ZFHX3: variants seen among roughly 807,000 people sequenced by gnomAD.
ZFHX3 encodes the protein zinc finger homeobox protein 3.
Under a neutral mutation model 279.1 loss-of-function variants are expected in ZFHX3, and 42 were observed. The observed-to-expected ratio is 0.15, with a 90% confidence interval of 0.12 to 0.19. The LOEUF (loss-of-function observed/expected upper bound fraction) is 0.19, where lower values mean the gene tolerates loss of function less well. Among genes scored for constraint, ZFHX3 ranks in the 10% least tolerant of loss-of-function variants. ZFHX3 has a pLI of 1.00. For synonymous variants in ZFHX3, 2,293 were observed against 1,957.8 expected (o/e 1.17, Z -4.52); for missense variants, 4,981 against 4,754.0 (o/e 1.05, Z -1.40).
intron 3 of ZFHX3, among the ~76,000 whole-genome samples, chr16:73,365,822 T>TA (rs985929268): frequency 6.6e-5 from 10 of 152,182 alleles, no homozygotes; most frequent in Non-Finnish European, 1.5e-4. Flanking sequence ...TCAGGCTTGA[T>TA]AGAGATTCCC....
At chr16:72,972,498 C>T (rs1222010214) in intron 1 of ZFHX3, among the ~76,000 whole-genome samples, 1 of 152,096 alleles carries the variant, frequency 6.6e-6, no homozygotes, top group Non-Finnish European at 1.5e-5. Context: ...CAAACTGCAT[C>T]AATCATTTTC....
At chr16:73,352,516 T>TCAC (rs1026145888) in intron 3 of ZFHX3, among the ~76,000 whole-genome samples, 4 of 129,364 alleles carry the variant, frequency 3.1e-5, no homozygotes, top group Non-Finnish European at 4.7e-5. Context: ...ACAGAGTCTG[T>TCAC]CACCCAGGCT....
At chr16:73,696,523 T>G (rs2053199149) in intron 1 of ZFHX3, among the ~76,000 whole-genome samples, 1 of 152,200 alleles carries the variant, frequency 6.6e-6, no homozygotes, top group African/African-American at 2.4e-5. Context: ...TATATTAAGC[T>G]ATCTCTAACT....
chr16:73,742,080 T>A (rs1233612832), intron 1 of ZFHX3, among the ~76,000 whole-genome samples: 2 of 152,224 alleles, frequency 1.3e-5, no homozygotes, highest in Non-Finnish European at 2.9e-5. Flanking sequence ...GGTCATCAAC[T>A]CATAACCACC....
At chr16:72,867,014 G>T (rs965918237) in intron 4 of ZFHX3, among the ~76,000 whole-genome samples, 1 of 152,190 alleles carries the variant, frequency 6.6e-6, no homozygotes, top group African/African-American at 2.4e-5. Context: ...TCTTAATTTG[G>T]AGAGGGAACT....
chr16:73,092,695 T>G, intron 8 of ZFHX3: 1 of 309,754 alleles, frequency 3.2e-6, no homozygotes, highest in Non-Finnish European at 6.3e-6. Context: ...GGCTTACACA[T>G]GCTCTTGCTC....
chr16:73,028,399 G>T (rs1040683380), intron 1 of ZFHX3, among the ~76,000 whole-genome samples: 1 of 152,140 alleles, frequency 6.6e-6, no homozygotes, highest in African/African-American at 2.4e-5. Context: ...CCCAGGTGTG[G>T]CCAGGCAGGC....
At chr16:73,807,601 C>A (rs1399851864) in intron 1 of ZFHX3, among the ~76,000 whole-genome samples, 2 of 148,390 alleles carry the variant, frequency 1.3e-5, no homozygotes, top group African/African-American at 2.5e-5. Context: ...GGCCTACAGG[C>A]ACATTCCACC....
chr16:72,924,430 C>G (rs1029497637), intron 3 of ZFHX3, among the ~76,000 whole-genome samples: 1 of 152,204 alleles, frequency 6.6e-6, no homozygotes, highest in Non-Finnish European at 1.5e-5. Flanking sequence ...AACCCAGGCT[C>G]CTGTTATACA....
rs117766335 is a variant in ZFHX3 at position 72,812,842 on chromosome 16, C to T, written c.3530-804G>A. On this transcript the variant is annotated intron_variant, in intron 5 of 9. Coordinates refer to ENST00000268489, the MANE Select transcript of ZFHX3 (RefSeq NM_006885.4). ...CATGAGGATTGAGCAGCAGACAGCA[C>T]GTACGGAAGTGCTGGTGGGAGGAGT... 4.8e-3 allele frequency among the ~76,000 whole-genome samples: 734 copies of T among 152,250 alleles called. 7 individuals are homozygous for T. The highest frequency in any genetic ancestry group is 0.032 in the East Asian group (164 of 5,172).
chr16:73,788,394 G>A (rs536927965), intron 1 of ZFHX3, among the ~76,000 whole-genome samples: 1 of 152,284 alleles, frequency 6.6e-6, no homozygotes, highest in African/African-American at 2.4e-5. Flanking sequence ...AAGAGACTTC[G>A]TGTCCTTGGA....
At position 72,789,108 on chromosome 16, in the gene ZFHX3, C is replaced by G. The variant is rs115573076; in HGVS notation, c.9428-260G>C. The G allele has an allele frequency of 1.0e-3, 422 of 403,562 alleles. 1 individual carries two copies. The highest frequency in any genetic ancestry group is 8.1e-3 in the African/African-American group (398 of 48,920). 25.0% of individuals were successfully genotyped at this position (403,562 alleles called of 1,614,324 possible). A position where few individuals can be genotyped will look rare whatever the true frequency, so the allele number is the denominator to read the frequency against. ...ACTTCCAGAAGTATCCCACCAGGCT[C>G]AGAGCTGGACAACCTTGTATTCTAA... On this transcript the variant is annotated intron_variant, in intron 9 of 9. Transcript: ENST00000268489.
chr16:73,458,014 A>T (rs1050271514), intron 2 of ZFHX3, among the ~76,000 whole-genome samples: 1 of 152,168 alleles, frequency 6.6e-6, no homozygotes, highest in African/African-American at 2.4e-5. Context: ...CTGGCTTCAC[A>T]GGAAGGCACT....
At chr16:73,507,365 C>A (rs1247187740) in intron 2 of ZFHX3, among the ~76,000 whole-genome samples, 2 of 152,132 alleles carry the variant, frequency 1.3e-5, no homozygotes, top group Non-Finnish European at 2.9e-5. Flanking sequence ...TACTTCCCAC[C>A]CCACAGTGAC....
chr16:73,789,603 C>T (rs910730908), intron 1 of ZFHX3, among the ~76,000 whole-genome samples: 4 of 152,012 alleles, frequency 2.6e-5, no homozygotes, highest in African/African-American at 9.7e-5. Flanking sequence ...TTATTTTTAC[C>T]GCTAGTATTA....
chr16:73,480,236 T>G (rs2143623740), intron 2 of ZFHX3, among the ~76,000 whole-genome samples: 1 of 152,306 alleles, frequency 6.6e-6, no homozygotes, highest in Non-Finnish European at 1.5e-5. Context: ...TTTGAACTGA[T>G]TGTTCAGAAC....
At chr16:73,578,345 G>A (rs1166389150) in intron 2 of ZFHX3, among the ~76,000 whole-genome samples, 1 of 151,344 alleles carries the variant, frequency 6.6e-6, no homozygotes, top group East Asian at 1.9e-4. Context: ...GATCGTATAT[G>A]GTCTAGGGCT....
At chr16:73,292,221 G>A (rs1357699373) in intron 4 of ZFHX3, among the ~76,000 whole-genome samples, 5 of 152,192 alleles carry the variant, frequency 3.3e-5, no homozygotes, top group African/African-American at 1.2e-4. Flanking sequence ...TGGAATCAGG[G>A]CAGGTTAATG....
chr16:73,465,943 C>G (rs541176809), intron 2 of ZFHX3, among the ~76,000 whole-genome samples: 25 of 152,114 alleles, frequency 1.6e-4, no homozygotes, highest in African/African-American at 5.8e-4. Context: ...CCCACCCCAC[C>G]CCCTCACCTC....
Sources: allele counts gnomAD v4.1 joint callset (sites outside exome capture counted in the v4.1 genomes callset), GRCh38; gene constraint gnomAD v4.1.1; transcripts MANE v1.5; gene names NCBI Gene and HGNC (gene_info 2026-07-23, HGNC 2026-07-21).